Variants in BRWD1 observed in about 807,000 individuals in gnomAD.
BRWD1 encodes the protein bromodomain and WD repeat domain containing 1.
BRWD1 carries 82 observed loss-of-function variants against 251.2 expected under a neutral mutation model. The observed-to-expected ratio is 0.33, with a 90% CI of 0.27 to 0.39. The LOEUF (loss-of-function observed/expected upper bound fraction) is 0.39, where lower values mean the gene tolerates loss of function less well. Ranked by LOEUF, BRWD1 falls within the 10% of genes least tolerant of loss-of-function variation. BRWD1 has a pLI of 1.00. For synonymous variants in BRWD1, 918 were observed against 902.8 expected (o/e 1.02, Z -0.30); for missense variants, 2,233 against 2,711.6 (o/e 0.82, Z 3.92).
chr21:39,287,188 C>T (rs546841871), intron 8 of BRWD1, among the ~76,000 whole-genome samples: 2 of 152,290 alleles, frequency 1.3e-5, no homozygotes, highest in Admixed American at 1.3e-4. Context: ...TTCCAAATTT[C>T]TCAAGCATCC....
rs2031243263 is a variant in BRWD1, at chr21:39,186,500, G to A, written c.*9759C>T. On this transcript the variant is annotated 3_prime_UTR_variant, in exon 41 of 41. Transcript: ENST00000342449. ...GACCTTTGGGGATGTGAATTGTAGG[G>A]AATGGATCTGGGTAGTTTTTGCTTC... 6.6e-6 allele frequency: 1 copy of A among 152,184 alleles called. No homozygotes were observed. The highest frequency in any genetic ancestry group is 2.4e-5 in the African/African-American group (1 of 41,440). 9.4% of individuals were successfully genotyped at this position (152,184 alleles called of 1,614,324 possible). A position where few individuals can be genotyped will look rare whatever the true frequency, so the allele number is the denominator to read the frequency against.
At chr21:39,202,047 TAA>T (rs141797918) in intron 38 of BRWD1, among the ~76,000 whole-genome samples, 2,321 of 152,322 alleles carry the variant, frequency 0.015, 56 homozygotes, top group African/African-American at 0.053. Context: ...ATTTTTAAAT[TAA>T]AAAGATACAA....
rs397755720 is a variant in BRWD1, at chr21:39,190,230, CT to C, written c.*6028del. 1 of 950,696 alleles carries C rather than the reference CT, an allele frequency of 1.1e-6. No individual in the cohort carries two copies. Among genetic ancestry groups the C allele is most frequent in the Non-Finnish European group, 1.3e-6 (1 of 799,306 alleles). 58.9% of individuals were successfully genotyped at this position (950,696 alleles called of 1,614,324 possible). On this transcript the variant is annotated 3_prime_UTR_variant, in exon 41 of 41. Coordinates refer to ENST00000342449, the MANE Select transcript of BRWD1 (RefSeq NM_033656.4). ...AAGGATTAATCATATTCTAATTAGA[CT>C]TTTTTTTAATTTTTAAGCTACCTTA... is the stretch of plus-strand genomic sequence containing the variant.
intron 8 of BRWD1, among the ~76,000 whole-genome samples, chr21:39,289,798 G>A (rs1038015681): frequency 1.3e-5 from 2 of 152,020 alleles, no homozygotes; most frequent in African/African-American, 4.8e-5. Context: ...GCCGAGGCGG[G>A]CGGATCATGA....
At chr21:39,294,082 A>C (rs2146748957) in intron 7 of BRWD1, 50 bp from the exon 8 acceptor site, 1 of 1,474,626 alleles carries the variant, frequency 6.8e-7, no homozygotes, top group Non-Finnish European at 9.4e-7. Context: ...AAATCTTTTA[A>C]ATATTAAAAG....
chr21:39,268,836 A>C (rs2035010426), intron 15 of BRWD1, among the ~76,000 whole-genome samples: 1 of 152,056 alleles, frequency 6.6e-6, no homozygotes, highest in Non-Finnish European at 1.5e-5. Context: ...AAATACAAAA[A>C]AATTAGCCAG....
At chr21:39,232,126 A>T (rs758163117) in intron 25 of BRWD1, 51 bp downstream of exon 25, 3 of 1,314,234 alleles carry the variant, frequency 2.3e-6, no homozygotes, top group South Asian at 2.5e-5. Context: ...TAAGTAATTT[A>T]ACTATGTATG....
chr21:39,280,058 A>G, intron 9 of BRWD1, 90 bp downstream of exon 9: 1 of 963,240 alleles, frequency 1.0e-6, no homozygotes. Context: ...AACAATACAC[A>G]ATTTCTCATA....
At chr21:39,224,531 A>G in intron 28 of BRWD1, 62 bp from the exon 29 acceptor site, 2 of 1,092,204 alleles carry the variant, frequency 1.8e-6, no homozygotes, top group Non-Finnish European at 2.7e-6. Flanking sequence ...GATAATAGGT[A>G]TCCATTATAA....
chr21:39,313,635 AC>A, upstream of BRWD1: 3 of 555,488 alleles, frequency 5.4e-6, no homozygotes, highest in Non-Finnish European at 8.1e-6. Flanking sequence ...CGCCGCCTGG[AC>A]CGACGCCTCC....
intron 8 of BRWD1, among the ~76,000 whole-genome samples, chr21:39,288,264 T>C (rs2035703068): frequency 1.3e-5 from 2 of 152,172 alleles, no homozygotes; most frequent in African/African-American, 2.4e-5. Flanking sequence ...CATTATGTTG[T>C]AGTGTAACTT....
In BRWD1 at chr21:39,195,055, T is replaced by C. The variant is rs2031740473; in HGVS notation, c.*1204A>G. 3 of 1,299,892 alleles carry C rather than the reference T, an allele frequency of 2.3e-6. No individual in the cohort carries two copies. Among genetic ancestry groups the C allele is most frequent in the Admixed American group, 3.7e-5 (1 of 27,394 alleles). 80.5% of individuals were successfully genotyped at this position (1,299,892 alleles called of 1,614,324 possible). On this transcript the variant is annotated 3_prime_UTR_variant, in exon 41 of 41. Transcript: ENST00000342449. ...TTGGTTAGAAAATAAGTGTACTATT[T>C]GTGTGATAAACTTTCACTTTAAATG...
chr21:39,212,247 G>C (rs962835031), intron 34 of BRWD1, among the ~76,000 whole-genome samples: 7 of 151,980 alleles, frequency 4.6e-5, no homozygotes, highest in African/African-American at 1.5e-4. Flanking sequence ...TATTTTGGCT[G>C]TTCAATTGAT....
chr21:39,316,030 G>A (rs1277793485), upstream of BRWD1, among the ~76,000 whole-genome samples: 1 of 152,178 alleles, frequency 6.6e-6, no homozygotes, highest in African/African-American at 2.4e-5. Flanking sequence ...CTTTGGAGAG[G>A]ATGGGACCAT....
At chr21:39,319,975 G>A (rs990653051) in intron 1 of BRWD1, among the ~76,000 whole-genome samples, 1 of 151,910 alleles carries the variant, frequency 6.6e-6, no homozygotes, top group Admixed American at 6.6e-5. Flanking sequence ...CCCTGTTCAC[G>A]TCTTTCTCAT....
In BRWD1 at chr21:39,192,520, C is replaced by T. The variant is rs2146443584; in HGVS notation, c.*3739G>A. The T allele has an allele frequency of 1.0e-6, 1 of 984,570 alleles. No individual in the cohort carries two copies. Among genetic ancestry groups the T allele is most frequent in the Non-Finnish European group, 1.2e-6 (1 of 829,242 alleles). The allele number at this position is 984,570 out of a possible 1,614,324, so 61.0% of individuals were successfully genotyped here. On this transcript the variant is annotated 3_prime_UTR_variant, in exon 41 of 41. Transcript: ENST00000342449. ...CAACATTAACAGGTGAAAAGTTCTA[C>T]AATGACTTGTTGCACTCTATCACAT...
At chr21:39,320,423 C>A (rs578128253) in intron 1 of BRWD1, among the ~76,000 whole-genome samples, 1 of 152,236 alleles carries the variant, frequency 6.6e-6, no homozygotes, top group Non-Finnish European at 1.5e-5. Flanking sequence ...CAGCCTCGAT[C>A]TTTCAGGCAC....
intron 19 of BRWD1, among the ~76,000 whole-genome samples, chr21:39,251,346 T>G (rs2034386389): frequency 6.6e-6 from 1 of 152,138 alleles, no homozygotes; most frequent in African/African-American, 2.4e-5. Flanking sequence ...ACAAAAAGAT[T>G]ATGTTATTGT....
intron 4 of BRWD1, among the ~76,000 whole-genome samples, chr21:39,302,613 C>T (rs982403150): frequency 2.6e-5 from 4 of 151,692 alleles, no homozygotes; most frequent in African/African-American, 9.7e-5. Context: ...AAAAATTAGC[C>T]AGGCATGGTG....
Sources: allele counts gnomAD v4.1 joint callset (sites outside exome capture counted in the v4.1 genomes callset), GRCh38; gene constraint gnomAD v4.1.1; transcripts MANE v1.5; gene names NCBI Gene and HGNC (gene_info 2026-07-23, HGNC 2026-07-21).